The following RNF17 variants were observed in gnomAD, a reference collection of about 807,000 sequenced individuals.
RNF17 encodes spermatogenesis associated 23.
A neutral mutation model predicts 200.5 loss-of-function variants in RNF17; 31 were observed. That is an observed-to-expected ratio of 0.15 (90% CI 0.12 to 0.21). The LOEUF is 0.21. Among genes scored for constraint, RNF17 ranks in the 10% least tolerant of loss-of-function variants. The pLI is 1.00. For missense variants in RNF17, 1,628 were observed against 1,905.1 expected (o/e 0.85, Z 2.71); for synonymous variants, 606 against 637.8 (o/e 0.95, Z 0.75).
intron 32 of RNF17, 52 bp downstream of exon 32, chr13:24,870,791 T>G (rs769521509): frequency 3.3e-6 from 5 of 1,509,942 alleles, no homozygotes; most frequent in Non-Finnish European, 4.6e-6. Flanking sequence ...ACTTGGATTT[T>G]GTTTCAATGG....
At chr13:24,790,613 A>T (rs1883722166) in intron 9 of RNF17, among the ~76,000 whole-genome samples, 1 of 152,190 alleles carries the variant, frequency 6.6e-6, no homozygotes, top group Non-Finnish European at 1.5e-5. Context: ...GATGTTGTTT[A>T]TTCTTCTGTA....
chr13:24,817,950 A>G (rs1887595734), intron 15 of RNF17, among the ~76,000 whole-genome samples: 1 of 151,814 alleles, frequency 6.6e-6, no homozygotes, highest in African/African-American at 2.4e-5. Flanking sequence ...ACTTTTGGGT[A>G]ATTTTCTCTT....
chr13:24,847,113 C>T (rs1474474444), intron 22 of RNF17, among the ~76,000 whole-genome samples: 3 of 151,936 alleles, frequency 2.0e-5, no homozygotes, highest in Non-Finnish European at 2.9e-5. Flanking sequence ...TCCAGATACA[C>T]TATACAATAT....
At chr13:24,789,041 C>A (rs950252328) in intron 7 of RNF17, among the ~76,000 whole-genome samples, 1 of 152,104 alleles carries the variant, frequency 6.6e-6, no homozygotes, top group Admixed American at 6.5e-5. Context: ...CCTAGTTAAT[C>A]TAGCTAAGAA....
downstream of RNF17, among the ~76,000 whole-genome samples, chr13:24,881,313 G>C (rs1385727874): frequency 2.0e-5 from 3 of 151,858 alleles, no homozygotes; most frequent in African/African-American, 4.8e-5. Flanking sequence ...GCTAACTTTT[G>C]TATTTTTAGT....
chr13:24,887,878 G>A, the RNF17 span, among the ~76,000 whole-genome samples: 1 of 152,142 alleles, frequency 6.6e-6, no homozygotes, highest in Admixed American at 6.6e-5. Context: ...GTGCAGAGTT[G>A]CTGCAAGTCT....
chr13:24,883,873 C>A, downstream of RNF17: 2 of 1,468,076 alleles, frequency 1.4e-6, no homozygotes, highest in Non-Finnish European at 1.9e-6. Flanking sequence ...TGTCACATAT[C>A]ATCAGAAACG....
intron 2 of RNF17, among the ~76,000 whole-genome samples, chr13:24,769,027 A>T (rs1880257502): frequency 7.4e-6 from 1 of 134,858 alleles, no homozygotes; most frequent in Non-Finnish European, 1.5e-5. Flanking sequence ...AGCTCCTTAG[A>T]CGTGGCTGGC....
chr13:24,758,361 AC>A, the RNF17 span, among the ~76,000 whole-genome samples: 2 of 152,138 alleles, frequency 1.3e-5, no homozygotes, highest in African/African-American at 4.8e-5. Context: ...CTAAATATAA[AC>A]CCTTTTTATG....
chr13:24,804,238 G>C, intron 14 of RNF17, 50 bp from the exon 15 acceptor site: 1 of 1,565,806 alleles, frequency 6.4e-7, no homozygotes, highest in Non-Finnish European at 8.7e-7. Flanking sequence ...ACTCCAGCCT[G>C]GGTGACAGGG....
intron 15 of RNF17, among the ~76,000 whole-genome samples, chr13:24,822,588 ATGT>A (rs1033179498): frequency 4.6e-5 from 7 of 151,796 alleles, no homozygotes; most frequent in Non-Finnish European, 7.4e-5. Context: ...CACCTGACTA[ATGT>A]TGTATTTTTA....
At chr13:24,804,828 T>C (rs1362628987) in intron 15 of RNF17, among the ~76,000 whole-genome samples, 1 of 152,244 alleles carries the variant, frequency 6.6e-6, no homozygotes, top group African/African-American at 2.4e-5. Flanking sequence ...TATTGAACTT[T>C]GGATGTGTGA....
In RNF17 at chr13:24,861,402, A is replaced by C; in HGVS notation, c.3894+15A>C. 1.4e-6 allele frequency: 2 copies of C among 1,433,038 alleles called. No individual in the cohort carries two copies. Among genetic ancestry groups the C allele is most frequent in the Non-Finnish European group, 1.9e-6 (2 of 1,075,112 alleles). 88.8% of individuals were successfully genotyped at this position (1,433,038 alleles called of 1,614,324 possible). ...ATACCACACCTGTGAGTACATAATA[A>C]TTTGTGGAATGATTAATTTTAAATA... is the stretch of plus-strand genomic sequence containing the variant. On this transcript the variant is annotated intron_variant, in intron 27 of 35. Coordinates refer to ENST00000255324, the MANE Select transcript of RNF17 (RefSeq NM_031277.3).
chr13:24,775,721 GAATT>G (rs1881470127), intron 3 of RNF17, among the ~76,000 whole-genome samples: 1 of 151,964 alleles, frequency 6.6e-6, no homozygotes, highest in Non-Finnish European at 1.5e-5. Flanking sequence ...TTCTCTTTTT[GAATT>G]AGTAATATCT....
chr13:24,875,158 A>G (rs1894720105), intron 33 of RNF17, among the ~76,000 whole-genome samples: 1 of 152,230 alleles, frequency 6.6e-6, no homozygotes, highest in Non-Finnish European at 1.5e-5. Context: ...TTGTTCTAAC[A>G]TGTCTGAACA....
intron 31 of RNF17, among the ~76,000 whole-genome samples, chr13:24,869,797 G>A (rs529500371): frequency 6.6e-6 from 1 of 152,084 alleles, no homozygotes; most frequent in Admixed American, 6.5e-5. Context: ...TAGGGGTCAC[G>A]TTTTGTCATC....
upstream of RNF17, among the ~76,000 whole-genome samples, chr13:24,760,930 C>A (rs8000984): frequency 0.53 from 80,652 of 151,788 alleles, 21,744 homozygotes; most frequent in South Asian, 0.59. Flanking sequence ...AAATTACAGA[C>A]GGTATTAGAA....
chr13:24,804,509 C>G (rs565843820), intron 15 of RNF17, 80 bp downstream of exon 15: 97 of 1,122,974 alleles, frequency 8.6e-5, no homozygotes, highest in Non-Finnish European at 3.1e-5. Flanking sequence ...GAGTATCTAC[C>G]GTCAATTTTA....
intron 7 of RNF17, among the ~76,000 whole-genome samples, chr13:24,789,033 T>C (rs1175636634): frequency 2.0e-5 from 3 of 152,178 alleles, no homozygotes; most frequent in Admixed American, 1.3e-4. Flanking sequence ...GTCTTTATCC[T>C]AGTTAATCTA....
Sources: gnomAD v4.1 joint callset for allele counts (sites outside exome capture counted in the v4.1 genomes callset) on GRCh38, gnomAD v4.1.1 for gene constraint, MANE v1.5 for transcripts, NCBI Gene and HGNC (gene_info 2026-07-23, HGNC 2026-07-21) for gene names.